The following IL34 variants were observed in gnomAD, a reference collection of about 807,000 sequenced individuals.
IL34 encodes interleukin-34.
IL34 carries 17 observed loss-of-function variants against 25.3 expected under a neutral mutation model. That is an observed-to-expected ratio of 0.67 (90% CI 0.46 to 1.01). The LOEUF (loss-of-function observed/expected upper bound fraction) is 1.01, where lower values mean the gene tolerates loss of function less well. Among genes scored for constraint, IL34 ranks in the 50% least tolerant of loss-of-function variants. The pLI, the probability that IL34 is intolerant of heterozygous loss-of-function variation, is 0.00. For synonymous variants in IL34, 174 were observed against 140.9 expected (o/e 1.23, Z -1.66); for missense variants, 368 against 312.9 (o/e 1.18, Z -1.33).
intron 1 of IL34, among the ~76,000 whole-genome samples, chr16:70,609,202 C>T (rs1186999275): frequency 6.6e-6 from 1 of 152,188 alleles, no homozygotes; most frequent in African/African-American, 2.4e-5. Context: ...CCTCAGCCTT[C>T]CATGTAGCTG....
In IL34 at chr16:70,634,621, A is replaced by G. The variant is rs529554725; in HGVS notation, c.-400-11927A>G. Among the ~76,000 whole-genome samples, 19 of 151,836 alleles carry G rather than the reference A, an allele frequency of 1.3e-4. No homozygotes were observed. The South Asian group carries it at 4.0e-3, about 32-fold the overall frequency. ...CTTGAACCCAGGAGGCGGAGGTTGC[A>G]GTGAGCCGAGATCGTGTCACTGAAC... On this transcript the variant is annotated intron_variant, in intron 1 of 6. Transcript: ENST00000429149.
rs34816911 is a variant in IL34, at chr16:70,636,585, TCACACACACACACACACACA to T, written c.-400-9938_-400-9919del. On this transcript the variant is annotated intron_variant, in intron 1 of 6. Coordinates refer to the IL34 transcript ENST00000429149. ...AGCCTGGACAACATAGCAAACCCTG[TCACACACACACACACACACA>T]CACACACACACACACACACACACAA... 1.6e-4 allele frequency among the ~76,000 whole-genome samples: 22 copies of T among 136,482 alleles called. No individual in the cohort carries two copies. The East Asian group carries it at 2.7e-3, about 17-fold the overall frequency. 89.5% of individuals were successfully genotyped at this position (136,482 alleles called of 152,430 possible).
At chr16:70,650,339 G>A (rs958326459) in intron 1 of IL34, among the ~76,000 whole-genome samples, 1 of 152,224 alleles carries the variant, frequency 6.6e-6, no homozygotes, top group African/African-American at 2.4e-5. Flanking sequence ...GCACTCAGAG[G>A]AAGGCTGCCC....
chr16:70,659,705 C>T lies in IL34; in HGVS notation c.490C>T (p.Leu164=), dbSNP rs2052336671. ...PNLKLVRPKA[L]LDNCFRVMEL... ...CCTGAAGCTGGTGCGGCCCAAAGCCCTGCTGGACAACTGCTTCCGGGTCAT... is the reference window on the plus strand; with the variant it reads ...CCTGAAGCTGGTGCGGCCCAAAGCCTTGCTGGACAACTGCTTCCGGGTCAT... The change falls in exon 5 of 6, where the codon CTG becomes TTG. Residue 164 remains leucine (L), a synonymous_variant. Transcript: ENST00000288098. 3 of 1,611,404 alleles carry T rather than the reference C, an allele frequency of 1.9e-6. No homozygotes were observed. Among genetic ancestry groups the T allele is most frequent in the African/African-American group, 1.3e-5 (1 of 75,008 alleles).
At chr16:70,650,239 C>T (rs1410340843) in intron 1 of IL34, among the ~76,000 whole-genome samples, 1 of 152,068 alleles carries the variant, frequency 6.6e-6, no homozygotes, top group Non-Finnish European at 1.5e-5. Flanking sequence ...GCTGTGCTGT[C>T]CCTGCCTGGT....
rs749626873 is a variant in IL34 at position 70,656,936 on chromosome 16, G to C, written c.241-24G>C. The C allele has an allele frequency of 1.9e-6, 3 of 1,592,888 alleles. No individual in the cohort carries two copies. In the East Asian group the frequency reaches 6.7e-5, roughly 36 times the overall value. On this transcript the variant is annotated intron_variant, in intron 3 of 5. Transcript: ENST00000288098. The stretch of plus-strand genomic sequence containing the variant: ...CCCAGAGGCCCATGTCTCCCGAGTT[G>C]CAGTGACTTCCCTGTTTCCGCAGCA...
chr16:70,657,369 CT>C, intron 4 of IL34: 2 of 478,016 alleles, frequency 4.2e-6, no homozygotes, highest in Non-Finnish European at 7.5e-6. Context: ...CTGTTCTAGG[CT>C]CTGCCTCTCT....
chr16:70,657,351 C>T (rs1310827137), intron 4 of IL34: 1 of 545,176 alleles, frequency 1.8e-6, no homozygotes, highest in African/African-American at 1.9e-5. Flanking sequence ...GGCGATGCCT[C>T]TGAGACTCTG....
chr16:70,585,679 ACT>A (rs2050685421), intron 1 of IL34, among the ~76,000 whole-genome samples: 1 of 147,490 alleles, frequency 6.8e-6, no homozygotes, highest in Non-Finnish European at 1.5e-5. Flanking sequence ...ACAGAGGGAG[ACT>A]CTGTCTTAAA....
chr16:70,582,578 G>A lies in IL34; in HGVS notation c.-401+2529G>A, dbSNP rs947617587. Among the ~76,000 whole-genome samples, 10 of 152,196 alleles carry A rather than the reference G, an allele frequency of 6.6e-5. No homozygotes were observed. The South Asian group carries it at 1.0e-3, about 16-fold the overall frequency. ...GTTAATACCTGTGGCCTAGAATTACGTGAGATCACACAGATAAAGCAGTTG... is the reference window on the plus strand; with the variant it reads ...GTTAATACCTGTGGCCTAGAATTACATGAGATCACACAGATAAAGCAGTTG... On this transcript the variant is annotated intron_variant, in intron 1 of 6. Coordinates refer to the IL34 transcript ENST00000429149.
At chr16:70,628,404 G>T (rs546519244) in intron 1 of IL34, among the ~76,000 whole-genome samples, 27 of 151,836 alleles carry the variant, frequency 1.8e-4, no homozygotes, top group African/African-American at 6.5e-4. Context: ...TTATTTCTAG[G>T]TATTTTACAT....
chr16:70,646,326 C>T (rs1291632724), upstream of IL34, among the ~76,000 whole-genome samples: 2 of 152,168 alleles, frequency 1.3e-5, no homozygotes, highest in Non-Finnish European at 2.9e-5. Flanking sequence ...TTCCTTGGTC[C>T]TGCTTTTGTT....
At chr16:70,580,989 G>A (rs1307184209) in intron 1 of IL34, among the ~76,000 whole-genome samples, 3 of 150,840 alleles carry the variant, frequency 2.0e-5, no homozygotes, top group Admixed American at 6.6e-5. Context: ...TCAGGTCACT[G>A]CATCCTCTGC....
chr16:70,647,100 TGCAGA>T, intron 1 of IL34, 125 bp downstream of exon 1: 1 of 852,138 alleles, frequency 1.2e-6, no homozygotes, highest in Non-Finnish European at 1.7e-6. Flanking sequence ...CCAGCCGGAC[TGCAGA>T]CACCCTCTGA....
intron 1 of IL34, among the ~76,000 whole-genome samples, chr16:70,593,007 A>C (rs1158985402): frequency 6.6e-6 from 1 of 152,104 alleles, no homozygotes; most frequent in Admixed American, 6.6e-5. Context: ...TTTTTTAATA[A>C]ATAGAGACGG....
intron 1 of IL34, among the ~76,000 whole-genome samples, chr16:70,600,244 C>T (rs1048265234): frequency 5.9e-5 from 9 of 152,170 alleles, no homozygotes; most frequent in Admixed American, 1.3e-4. Context: ...GCCACAAAGC[C>T]TGCTTGACCA....
At chr16:70,629,782 G>A (rs530021507) in intron 1 of IL34, among the ~76,000 whole-genome samples, 2 of 151,744 alleles carry the variant, frequency 1.3e-5, no homozygotes, top group African/African-American at 2.4e-5. Flanking sequence ...ATTTTGATAC[G>A]GGAATTCAAT....
intron 1 of IL34, among the ~76,000 whole-genome samples, chr16:70,612,615 G>A (rs954354475): frequency 1.3e-5 from 2 of 152,216 alleles, no homozygotes; most frequent in African/African-American, 4.8e-5. Flanking sequence ...AAAAGAAAGT[G>A]CTTGTTAACC....
At chr16:70,614,833 G>C (rs536622346) in intron 1 of IL34, among the ~76,000 whole-genome samples, 1 of 152,194 alleles carries the variant, frequency 6.6e-6, no homozygotes, top group Non-Finnish European at 1.5e-5. Context: ...GGCTCTGTTG[G>C]AACAGGAGCT....
Sources: allele counts gnomAD v4.1 joint callset (sites outside exome capture counted in the v4.1 genomes callset), GRCh38; gene constraint gnomAD v4.1.1; transcripts MANE v1.5; gene names NCBI Gene and HGNC (gene_info 2026-07-23, HGNC 2026-07-21).